The following EXT1 variants were observed in gnomAD, a reference collection of about 807,000 sequenced individuals.
The protein encoded by EXT1 is exostosin-1.
EXT1 carries 20 observed loss-of-function variants against 82.5 expected under a neutral mutation model. The ratio of observed to expected loss-of-function variants is 0.24; its 90% CI spans 0.17 to 0.35. The LOEUF is 0.35. EXT1 is among the 10% of genes least tolerant of loss of function. The pLI is 1.00. For missense variants in EXT1, 757 were observed against 936.5 expected, an observed-to-expected ratio of 0.81 and a Z score of 2.50; for synonymous variants, 348 against 350.8, an observed-to-expected ratio of 0.99 and a Z score of 0.09.
At chr8:118,062,087 G>A (rs1178326701) in intron 1 of EXT1, among the ~76,000 whole-genome samples, 1 of 152,006 alleles carries the variant, frequency 6.6e-6, no homozygotes, top group Non-Finnish European at 1.5e-5. Flanking sequence ...ACTGTCAGGT[G>A]ACATTCACTC....
intron 1 of EXT1, among the ~76,000 whole-genome samples, chr8:118,043,030 T>C (rs373901658): frequency 6.6e-6 from 1 of 152,218 alleles, no homozygotes; most frequent in African/African-American, 2.4e-5. Context: ...CAGTCTCAAA[T>C]GCGTGCTCTA....
intron 1 of EXT1, among the ~76,000 whole-genome samples, chr8:118,026,061 C>T (rs989050824): frequency 6.6e-6 from 1 of 152,136 alleles, no homozygotes; most frequent in Admixed American, 6.5e-5. Flanking sequence ...TCTTCAGTTA[C>T]AGAGGTTGGC....
intron 1 of EXT1, among the ~76,000 whole-genome samples, chr8:118,085,769 T>C (rs1310008807): frequency 6.6e-6 from 1 of 152,156 alleles, no homozygotes; most frequent in African/African-American, 2.4e-5. Context: ...TGTACCTGTT[T>C]TGTTGCAGAG....
intron 1 of EXT1, among the ~76,000 whole-genome samples, chr8:117,884,524 T>C (rs1381856842): frequency 6.6e-6 from 1 of 152,200 alleles, no homozygotes; most frequent in Non-Finnish European, 1.5e-5. Context: ...AGCCACTGAT[T>C]ACAGTAAACA....
rs1586985160 is a variant in EXT1, at chr8:117,795,017, T to C, written c.*4695A>G. Reference sequence around the variant, plus strand: ...ATAGTTACAACCGAAAGGACAGGGATGTATTCCTGTAGGAGAAGAACAGAA... The same window carrying C: ...ATAGTTACAACCGAAAGGACAGGGACGTATTCCTGTAGGAGAAGAACAGAA... On this transcript the variant is annotated 3_prime_UTR_variant, in exon 11 of 11. Coordinates refer to ENST00000378204, the MANE Select transcript of EXT1 (RefSeq NM_000127.3). 1 of 152,322 alleles carries C rather than the reference T, an allele frequency of 6.6e-6. No homozygotes were observed. The highest frequency in any genetic ancestry group is 1.9e-4 in the East Asian group (1 of 5,184). The allele number at this position is 152,322 out of a possible 1,614,324, so 9.4% of individuals were successfully genotyped here.
chr8:117,848,948 T>C (rs1315215775), intron 1 of EXT1, among the ~76,000 whole-genome samples: 2 of 152,164 alleles, frequency 1.3e-5, no homozygotes, highest in Admixed American at 6.5e-5. Context: ...AATCATGCCC[T>C]ACACCTTGGC....
intron 1 of EXT1, among the ~76,000 whole-genome samples, chr8:118,004,394 T>G (rs1400456466): frequency 6.6e-6 from 1 of 152,190 alleles, no homozygotes; most frequent in African/African-American, 2.4e-5. Context: ...AATGAATATT[T>G]TGGAGCTAAA....
chr8:118,000,721 T>C (rs1815644036), intron 1 of EXT1, among the ~76,000 whole-genome samples: 1 of 152,202 alleles, frequency 6.6e-6, no homozygotes, highest in Non-Finnish European at 1.5e-5. Context: ...CCCAATGTCT[T>C]CTTGCAATTC....
intron 1 of EXT1, among the ~76,000 whole-genome samples, chr8:118,080,763 T>C (rs575241732): frequency 2.6e-5 from 4 of 152,312 alleles, no homozygotes; most frequent in East Asian, 1.9e-4. Flanking sequence ...TCTATTATAA[T>C]AGGTGGAGCA....
At position 117,824,873 on chromosome 8, in the gene EXT1, GT is replaced by G. The variant is rs368157190; in HGVS notation, c.1285-2277del. Among the ~76,000 whole-genome samples, 82 of 151,414 alleles carry G rather than the reference GT, an allele frequency of 5.4e-4. No individual in the cohort carries two copies. In the South Asian group the frequency reaches 0.01, roughly 19 times the overall value. On this transcript the variant is annotated intron_variant, in intron 4 of 10. Coordinates refer to ENST00000378204, the MANE Select transcript of EXT1 (RefSeq NM_000127.3). ...TTTTTCTTTTTTTGTTTTTGTTTTT[GT>G]TTTTGTTTTTGAGACAGGGTCTCAT... is the stretch of plus-strand genomic sequence containing the variant.
At chr8:118,008,636 A>T (rs1815831118) in intron 1 of EXT1, among the ~76,000 whole-genome samples, 1 of 151,968 alleles carries the variant, frequency 6.6e-6, no homozygotes, top group African/African-American at 2.4e-5. Flanking sequence ...ATTCAATACC[A>T]TTTTTCTGTG....
At chr8:117,915,163 TAGAA>T (rs1479189261) in intron 1 of EXT1, among the ~76,000 whole-genome samples, 5 of 152,206 alleles carry the variant, frequency 3.3e-5, no homozygotes, top group Admixed American at 6.5e-5. Context: ...TTTTGGAAGA[TAGAA>T]AGAATCTACA....
At chr8:118,095,907 A>G (rs1049742368) in intron 1 of EXT1, among the ~76,000 whole-genome samples, 4 of 152,230 alleles carry the variant, frequency 2.6e-5, no homozygotes, top group African/African-American at 9.6e-5. Context: ...ACGATTTTAA[A>G]TGGAGGAAAT....
At chr8:118,001,381 C>T (rs558993676) in intron 1 of EXT1, among the ~76,000 whole-genome samples, 13 of 152,110 alleles carry the variant, frequency 8.5e-5, no homozygotes, top group African/African-American at 2.7e-4. Flanking sequence ...GACGGGGTTT[C>T]GCCATGTTAG....
chr8:118,052,228 T>C (rs937395021), intron 1 of EXT1, among the ~76,000 whole-genome samples: 2 of 152,248 alleles, frequency 1.3e-5, no homozygotes, highest in African/African-American at 4.8e-5. Flanking sequence ...TGGATTGTTA[T>C]CTTTTGTCAA....
chr8:118,064,123 G>C (rs1034286086), intron 1 of EXT1, among the ~76,000 whole-genome samples: 5 of 152,114 alleles, frequency 3.3e-5, no homozygotes, highest in Non-Finnish European at 7.4e-5. Flanking sequence ...CTCGGCCTCT[G>C]AAAGTACTGG....
intron 1 of EXT1, among the ~76,000 whole-genome samples, chr8:118,096,583 A>G (rs1168333262): frequency 6.7e-6 from 1 of 148,470 alleles, no homozygotes; most frequent in Non-Finnish European, 1.5e-5. Flanking sequence ...CGACAGAGCA[A>G]GACTCCGTCA....
chr8:118,100,815 T>C (rs1472688973), intron 1 of EXT1, among the ~76,000 whole-genome samples: 1 of 151,192 alleles, frequency 6.6e-6, no homozygotes, highest in African/African-American at 2.4e-5. Context: ...CCTGGGAACC[T>C]GAAGGCCATG....
At position 117,799,669 on chromosome 8, in the gene EXT1, C is replaced by T. The variant is rs779006422; in HGVS notation, c.*43G>A. Reference sequence around the variant, plus strand: ...CACTGGGAAGAGAGAGCAGCTTGACCCCCATCCCTTCTTGCTTCCCCTCCC... The same window carrying T: ...CACTGGGAAGAGAGAGCAGCTTGACTCCCATCCCTTCTTGCTTCCCCTCCC... On this transcript the variant is annotated 3_prime_UTR_variant, in exon 11 of 11. Transcript: ENST00000378204. 21 of 1,606,132 alleles carry T rather than the reference C, an allele frequency of 1.3e-5. No homozygotes were observed. The highest frequency in any genetic ancestry group is 1.6e-4 in the Middle Eastern group (1 of 6,062).
Sources: gnomAD v4.1 joint callset for allele counts (sites outside exome capture counted in the v4.1 genomes callset) on GRCh38, gnomAD v4.1.1 for gene constraint, MANE v1.5 for transcripts, NCBI Gene and HGNC (gene_info 2026-07-23, HGNC 2026-07-21) for gene names.